Variants in CNTLN observed in about 807,000 individuals in gnomAD.
The protein encoded by CNTLN is centlein, centrosomal protein.
Under a neutral mutation model 180.0 loss-of-function variants are expected in CNTLN, and 212 were observed. The ratio of observed to expected loss-of-function variants is 1.18; its 90% CI spans 1.05 to 1.32. The LOEUF is 1.32. CNTLN is among the 40% of genes most tolerant of loss of function. The pLI, the probability that CNTLN is intolerant of heterozygous loss-of-function variation, is 0.00. For synonymous variants in CNTLN, 722 were observed against 563.1 expected (o/e 1.28, Z -3.99); for missense variants, 2,095 against 1,610.9 (o/e 1.30, Z -5.14).
rs188934843 is a variant in CNTLN at position 17,217,786 on chromosome 9, A to G, written c.450-8417A>G. On this transcript the variant is annotated intron_variant, in intron 2 of 25. Transcript: ENST00000380647. ...GAGTATATGCAGAAATATCTGGACA[A>G]ATAGTTAAAAGAGATGAAATATAAG... Among the ~76,000 whole-genome samples the G allele has an allele frequency of 1.0e-3, 159 of 152,344 alleles. No homozygotes were observed. In the Middle Eastern group the frequency reaches 0.017, roughly 16 times the overall value.
Position 17,457,634 on chromosome 9 carries a change from A to G in CNTLN, c.3225A>G (p.Thr1075=), listed in dbSNP as rs749988445. Residue 1075 remains threonine, a synonymous_variant, in exon 19 of 26, where the codon ACA becomes ACG. Coordinates refer to ENST00000380647, the MANE Select transcript of CNTLN (RefSeq NM_017738.4). ...TSLAEENSQV[T]FPRIQVTSLS... is the part of the protein sequence containing the mutation. Reference sequence around the variant, plus strand: ...TGGCAGAAGAAAATTCCCAGGTAACATTTCCACGGATACAAGTTACATCAC... The same window carrying G: ...TGGCAGAAGAAAATTCCCAGGTAACGTTTCCACGGATACAAGTTACATCAC... The G allele has an allele frequency of 6.4e-7, 1 of 1,555,938 alleles. No individual in the cohort carries two copies. Among genetic ancestry groups the G allele is most frequent in the Non-Finnish European group, 8.7e-7 (1 of 1,148,986 alleles).
intron 12 of CNTLN, among the ~76,000 whole-genome samples, chr9:17,350,851 A>C (rs1394002045): frequency 6.6e-6 from 1 of 152,168 alleles, no homozygotes; most frequent in African/African-American, 2.4e-5. Flanking sequence ...GTTTCAGCTG[A>C]GTTCAAATCT....
At chr9:17,332,914 T>A (rs555089529) in intron 10 of CNTLN, among the ~76,000 whole-genome samples, 184 bp downstream of exon 10, 66 of 152,212 alleles carry the variant, frequency 4.3e-4, no homozygotes, top group African/African-American at 1.5e-3. Flanking sequence ...ATATAAAATA[T>A]TTGCTACTTG....
At chr9:17,454,202 CT>C (rs1333576392) in intron 18 of CNTLN, among the ~76,000 whole-genome samples, 4 of 152,036 alleles carry the variant, frequency 2.6e-5, no homozygotes, top group Non-Finnish European at 5.9e-5. Context: ...GGGATTTATG[CT>C]TCCTCAATGT....
chr9:17,247,809 TG>T (rs1825886864), intron 5 of CNTLN, among the ~76,000 whole-genome samples: 1 of 142,398 alleles, frequency 7.0e-6, no homozygotes, highest in South Asian at 2.2e-4. Flanking sequence ...TCTATTGAAA[TG>T]ATCATGTGGT....
At chr9:17,247,148 G>A in intron 5 of CNTLN, among the ~76,000 whole-genome samples, 1 of 151,986 alleles carries the variant, frequency 6.6e-6, no homozygotes, top group East Asian at 1.9e-4. Context: ...TATTTTATTA[G>A]GTCACATGCA....
chr9:17,466,954 T>C, intron 23 of CNTLN, 63 bp downstream of exon 23: 1 of 1,138,948 alleles, frequency 8.8e-7, no homozygotes, highest in Non-Finnish European at 1.3e-6. Flanking sequence ...AGTAGCCTAC[T>C]TGAGATGATT....
chr9:17,258,126 C>G (rs941539367), intron 5 of CNTLN, among the ~76,000 whole-genome samples: 1 of 147,976 alleles, frequency 6.8e-6, no homozygotes, highest in African/African-American at 2.6e-5. Flanking sequence ...ACGTTTAAGT[C>G]TTTAATCCAT....
intron 8 of CNTLN, among the ~76,000 whole-genome samples, chr9:17,312,934 A>G (rs10810750): frequency 0.55 from 83,851 of 151,978 alleles, 23,807 homozygotes; most frequent in East Asian, 0.73. Flanking sequence ...AATCTCTCAC[A>G]TAATTGTAGA....
chr9:17,236,255 A>G (rs1825134218), intron 4 of CNTLN, among the ~76,000 whole-genome samples, 154 bp from the exon 5 acceptor site: 1 of 152,202 alleles, frequency 6.6e-6, no homozygotes, highest in Admixed American at 6.5e-5. Flanking sequence ...AGAGGCCAAT[A>G]AAAGTACACA....
intron 2 of CNTLN, among the ~76,000 whole-genome samples, chr9:17,149,512 C>CTTTTTTTTTTTTTTTTTTTTTTTTTT (rs55691769): frequency 1.9e-5 from 2 of 106,144 alleles, no homozygotes; most frequent in Admixed American, 1.0e-4. Flanking sequence ...TTCTTTCTTT[C>CTTTTTTTTTTTTTTTTTTTTTTTTTT]TTTTTTTTTT....
chr9:17,513,753 G>C, the CNTLN span, among the ~76,000 whole-genome samples: 2 of 151,750 alleles, frequency 1.3e-5, no homozygotes, highest in Non-Finnish European at 2.9e-5. Flanking sequence ...AAATAGAATA[G>C]GAGGAAAGAA....
chr9:17,281,663 CA>C (rs1224031299), intron 6 of CNTLN, among the ~76,000 whole-genome samples: 2 of 152,186 alleles, frequency 1.3e-5, no homozygotes, highest in Non-Finnish European at 2.9e-5. Context: ...ATATGTACCA[CA>C]TTTTCTTTAT....
intron 13 of CNTLN, among the ~76,000 whole-genome samples, chr9:17,373,915 G>A (rs540095275): frequency 1.5e-4 from 23 of 152,292 alleles, no homozygotes; most frequent in African/African-American, 4.3e-4. Flanking sequence ...ATATTCATAT[G>A]CGTAAGAATG....
intron 18 of CNTLN, among the ~76,000 whole-genome samples, chr9:17,446,480 A>C (rs1462570799): frequency 6.6e-6 from 1 of 152,128 alleles, no homozygotes; most frequent in Non-Finnish European, 1.5e-5. Context: ...TAACCCCCAA[A>C]GTTGGTAATA....
Position 17,312,361 on chromosome 9 carries a change from ATATTATAT to A in CNTLN, c.1341+3110_1341+3117del, listed in dbSNP as rs1563984787. Reference sequence around the variant, plus strand: ...ACTGTATTTATATATATATATATATATATTATATATATATATATATATAATTTATTTAT... The same window carrying A: ...ACTGTATTTATATATATATATATATAATATATATATATATAATTTATTTAT... On this transcript the variant is annotated intron_variant, in intron 8 of 25. Coordinates refer to ENST00000380647, the MANE Select transcript of CNTLN (RefSeq NM_017738.4). Among the ~76,000 whole-genome samples, 2 of 15,540 alleles carry A rather than the reference ATATTATAT, an allele frequency of 1.3e-4. 1 individual carries two copies. The highest frequency in any genetic ancestry group is 4.1e-4 in the Non-Finnish European group (2 of 4,826). The allele number at this position is 15,540 out of a possible 152,430, so 10.2% of individuals were successfully genotyped here.
chr9:17,353,485 ATG>A (rs1822545108), intron 12 of CNTLN, among the ~76,000 whole-genome samples: 1 of 151,478 alleles, frequency 6.6e-6, no homozygotes. Context: ...CCATATTTGC[ATG>A]TGTTTCTTTG....
At chr9:17,486,179 C>T (rs1436385102) in intron 24 of CNTLN, among the ~76,000 whole-genome samples, 1 of 152,146 alleles carries the variant, frequency 6.6e-6, no homozygotes, top group Non-Finnish European at 1.5e-5. Flanking sequence ...TTTGCCCAAG[C>T]AGAGCCCAGA....
intron 1 of CNTLN, among the ~76,000 whole-genome samples, chr9:17,138,523 C>T (rs2131400114): frequency 6.6e-6 from 1 of 152,276 alleles, no homozygotes; most frequent in Non-Finnish European, 1.5e-5. Context: ...TGTGTTAAAA[C>T]TTCATTTATT....
Sources: allele counts gnomAD v4.1 joint callset (sites outside exome capture counted in the v4.1 genomes callset), GRCh38; gene constraint gnomAD v4.1.1; transcripts MANE v1.5; gene names NCBI Gene and HGNC (gene_info 2026-07-23, HGNC 2026-07-21).